The following RHD variants were observed in gnomAD, a reference collection of about 807,000 sequenced individuals.
The protein encoded by RHD is Rh blood group D antigen, also known as blood group Rh(D) polypeptide.
In RHD, 16 loss-of-function variants were observed where a neutral mutation model predicts 45.5. The observed-to-expected ratio is 0.35, with a 90% CI of 0.24 to 0.53. RHD has a LOEUF of 0.53. RHD is among the 20% of genes least tolerant of loss of function. The probability of loss-of-function intolerance (pLI) is 0.92; values close to 1 mark genes in which losing one functional copy is unlikely to be tolerated. For synonymous variants in RHD, 131 were observed against 217.5 expected (o/e 0.60, Z 3.50); for missense variants, 306 against 532.0 (o/e 0.58, Z 4.18).
rs1391749595 is a variant in RHD, at chr1:25,290,775, T to A, written c.470T>A (p.Ile157Asn). The A allele has an allele frequency of 7.3e-7, 1 of 1,376,730 alleles. No homozygotes were observed. The highest frequency in any genetic ancestry group is 2.2e-5 in the East Asian group (1 of 44,616). The allele number at this position is 1,376,730 out of a possible 1,614,324, so 85.3% of individuals were successfully genotyped here. Residue 157 changes from isoleucine to asparagine, a missense_variant, in exon 3 of 10, where the codon ATC (isoleucine) becomes AAC (asparagine). Ile to Asn is a moderately radical substitution (Grantham distance 149, BLOSUM62 -3). Coordinates refer to ENST00000328664, the MANE Select transcript of RHD (RefSeq NM_016124.6). The stretch of plus-strand genomic sequence containing the variant: ...GCTTTAGGCAACCTGAGGATGGTCA[T>A]CAGTAATATCTTCAACGTGAGTCAT... Reference protein sequence around the residue: ...VTALGNLRMVISNIFNTDYHM... With the variant: ...VTALGNLRMVNSNIFNTDYHM...
chr1:25,311,901 G>T (rs1644168816), intron 7 of RHD, among the ~76,000 whole-genome samples: 2 of 131,362 alleles, frequency 1.5e-5, no homozygotes, highest in Admixed American at 7.3e-5. Context: ...ACATTTCAAA[G>T]GGTGCTGTGA....
rs1334016941 is a variant in RHD at position 25,301,401 on chromosome 1, T to C, written c.635-119T>C. On this transcript the variant is annotated intron_variant, in intron 4 of 9. Coordinates refer to ENST00000328664, the MANE Select transcript of RHD (RefSeq NM_016124.6). ...GGAGGGGAGACGTGACTTCCCCATCTAACTCTAAGTGACAAGGCTGAGACT... is the reference window on the plus strand; with the variant it reads ...GGAGGGGAGACGTGACTTCCCCATCCAACTCTAAGTGACAAGGCTGAGACT... 3.1e-6 allele frequency: 3 copies of C among 982,418 alleles called. No homozygotes were observed. The Admixed American group carries it at 5.8e-5, about 19-fold the overall frequency. The allele number at this position is 982,418 out of a possible 1,614,324, so 60.9% of individuals were successfully genotyped here.
chr1:25,285,585 C>A (rs1172518851), intron 2 of RHD, among the ~76,000 whole-genome samples: 1 of 134,882 alleles, frequency 7.4e-6, no homozygotes, highest in Non-Finnish European at 1.8e-5. Context: ...ATGTATGGTG[C>A]CAGAAGTCAG....
chr1:25,307,721 A>G, intron 7 of RHD: 1 of 1,308,542 alleles, frequency 7.6e-7, no homozygotes, highest in Non-Finnish European at 1.1e-6. Flanking sequence ...GACGTGTCTC[A>G]GAGAAATCAT....
rs1282354734 is a variant in RHD at position 25,307,435 on chromosome 1, A to G, written c.1073+706A>G. Among the ~76,000 whole-genome samples, 3 of 132,482 alleles carry G rather than the reference A, an allele frequency of 2.3e-5. 1 individual carries two copies. The highest frequency in any genetic ancestry group is 7.8e-5 in the African/African-American group (3 of 38,444). 86.9% of individuals were successfully genotyped at this position (132,482 alleles called of 152,430 possible). A position where few individuals can be genotyped will look rare whatever the true frequency, so the allele number is the denominator to read the frequency against. Reference sequence around the variant, plus strand: ...TATAAAATGAAAAAGTGAATTGGGCACGATACAGGGATAGATTTTTAGAGA... The same window carrying G: ...TATAAAATGAAAAAGTGAATTGGGCGCGATACAGGGATAGATTTTTAGAGA... On this transcript the variant is annotated intron_variant, in intron 7 of 9. Transcript: ENST00000328664.
At chr1:25,303,233 T>A in intron 5 of RHD, 89 bp from the exon 6 acceptor site, 1 of 1,025,884 alleles carries the variant, frequency 9.7e-7, no homozygotes, top group East Asian at 2.3e-5. Flanking sequence ...GTTACAGGGT[T>A]GCCTTGTTCC....
intron 3 of RHD, among the ~76,000 whole-genome samples, chr1:25,295,870 T>G (rs1291495979): frequency 3.7e-5 from 4 of 106,764 alleles, no homozygotes; most frequent in Non-Finnish European, 6.7e-5. Context: ...TTTTTTTTTT[T>G]TTTTTTTTTG....
Position 25,272,814 on chromosome 1 carries a change from C to T in RHD, c.148+119C>T. ...CTACAAAATCCCAAGGAAAAAGATTCCCCCATCTTCTTCCGTAGATTGCAC... is the reference window on the plus strand; with the variant it reads ...CTACAAAATCCCAAGGAAAAAGATTTCCCCATCTTCTTCCGTAGATTGCAC... On this transcript the variant is annotated intron_variant, in intron 1 of 9. Coordinates refer to ENST00000328664, the MANE Select transcript of RHD (RefSeq NM_016124.6). 2.5e-6 allele frequency: 3 copies of T among 1,209,696 alleles called. 1 individual carries two copies. The highest frequency in any genetic ancestry group is 3.6e-6 in the Non-Finnish European group (3 of 841,064). 74.9% of individuals were successfully genotyped at this position (1,209,696 alleles called of 1,614,324 possible).
chr1:25,295,849 AATTTTTTTTTTTTTTTTT>A (rs1349352109), intron 3 of RHD, among the ~76,000 whole-genome samples: 5 of 33,730 alleles, frequency 1.5e-4, no homozygotes, highest in African/African-American at 2.3e-4. Context: ...GAATATGGGA[AATTTTTTTTTTTTTTTTT>A]TTTTTTTTTT....
rs1405814741 is a variant in RHD, at chr1:25,315,600, C to T, written c.1074-1400C>T. 5.6e-5 allele frequency among the ~76,000 whole-genome samples: 7 copies of T among 125,800 alleles called. 2 individuals carry two copies. Among genetic ancestry groups the T allele is most frequent in the African/African-American group, 8.2e-5 (3 of 36,418 alleles). 82.5% of individuals were successfully genotyped at this position (125,800 alleles called of 152,430 possible). A position where few individuals can be genotyped will look rare whatever the true frequency, so the allele number is the denominator to read the frequency against. ...CAAACTCCACCTCCCAGGTTCACGC[C>T]GTTCTCCTGCCTCAGCCTCCTGAGT... is the stretch of plus-strand genomic sequence containing the variant. On this transcript the variant is annotated intron_variant, in intron 7 of 9. Transcript: ENST00000328664.
chr1:25,315,198 T>A (rs560109704), intron 7 of RHD, among the ~76,000 whole-genome samples: 1 of 130,066 alleles, frequency 7.7e-6, no homozygotes, highest in Non-Finnish European at 1.8e-5. Context: ...GTCCCCCTGA[T>A]TTTTTTCCTA....
rs1261127571 is a variant in RHD at position 25,302,181 on chromosome 1, GC to G, written c.801+496del. ...TGTAAAGTGGGAATTAAGAGATGGTGCATGTAAAGTGCTTAACGGGGAGTAA... is the reference window on the plus strand; with the variant it reads ...TGTAAAGTGGGAATTAAGAGATGGTGATGTAAAGTGCTTAACGGGGAGTAA... On this transcript the variant is annotated intron_variant, in intron 5 of 9. Coordinates refer to ENST00000328664, the MANE Select transcript of RHD (RefSeq NM_016124.6). Among the ~76,000 whole-genome samples, 23 of 131,656 alleles carry G rather than the reference GC, an allele frequency of 1.7e-4. 7 individuals are homozygous for G. The highest frequency in any genetic ancestry group is 3.8e-4 in the Non-Finnish European group (21 of 55,812). 86.4% of individuals were successfully genotyped at this position (131,656 alleles called of 152,430 possible).
intron 8 of RHD, among the ~76,000 whole-genome samples, chr1:25,318,608 A>G (rs1050681758): frequency 7.6e-6 from 1 of 132,016 alleles, no homozygotes; most frequent in African/African-American, 2.6e-5. Flanking sequence ...AAGAAAATAT[A>G]CATTCCATCC....
chr1:25,322,280 G>A (rs1307560402), intron 9 of RHD, among the ~76,000 whole-genome samples: 2 of 132,628 alleles, frequency 1.5e-5, no homozygotes, highest in African/African-American at 2.6e-5. Context: ...TGACATGCGG[G>A]TGACAGAACC....
chr1:25,286,174 C>T (rs1439379095), intron 2 of RHD, among the ~76,000 whole-genome samples: 1 of 135,244 alleles, frequency 7.4e-6, no homozygotes, highest in African/African-American at 2.6e-5. Context: ...AGGGAAAAAA[C>T]TTTATATATT....
intron 1 of RHD, among the ~76,000 whole-genome samples, chr1:25,284,067 G>A: frequency 7.4e-6 from 1 of 135,242 alleles, no homozygotes; most frequent in Non-Finnish European, 1.8e-5. Context: ...TGAAGATTAT[G>A]TGGTTCCCAA....
rs191007174 is a variant in RHD, at chr1:25,303,048, T to C, written c.802-274T>C. On this transcript the variant is annotated intron_variant, in intron 5 of 9. Transcript: ENST00000328664. The stretch of plus-strand genomic sequence containing the variant: ...ACCACTAATGAGTGTGATGGGTGCC[T>C]AGGATGCTGAGCACCTGGACTTCCC... 6.1e-3 allele frequency among the ~76,000 whole-genome samples: 807 copies of C among 131,502 alleles called. 106 individuals carry two copies. Among genetic ancestry groups the C allele is most frequent in the African/African-American group, 0.02 (772 of 38,338 alleles). The allele number at this position is 131,502 out of a possible 152,430, so 86.3% of individuals were successfully genotyped here. A position where few individuals can be genotyped will look rare whatever the true frequency, so the allele number is the denominator to read the frequency against.
At chr1:25,275,712 G>T (rs1204930369) in intron 1 of RHD, among the ~76,000 whole-genome samples, 1 of 132,692 alleles carries the variant, frequency 7.5e-6, no homozygotes, top group Non-Finnish European at 1.8e-5. Flanking sequence ...AATCATAATG[G>T]TGTCAATCTC....
intron 8 of RHD, among the ~76,000 whole-genome samples, chr1:25,321,498 T>TA (rs1214598540): frequency 0.034 from 2,587 of 76,296 alleles, 250 homozygotes; most frequent in Non-Finnish European, 0.041. Flanking sequence ...CCATCTCTAC[T>TA]AAAAAAAAAA....
Sources: gnomAD v4.1 joint callset for allele counts (sites outside exome capture counted in the v4.1 genomes callset) on GRCh38, gnomAD v4.1.1 for gene constraint, MANE v1.5 for transcripts, NCBI Gene and HGNC (gene_info 2026-07-23, HGNC 2026-07-21) for gene names.